CEP170: variants seen among roughly 807,000 people sequenced by gnomAD.
The protein encoded by CEP170 is centrosomal protein of 170 kDa.
CEP170 carries 21 observed loss-of-function variants against 151.9 expected under a neutral mutation model. The ratio of observed to expected loss-of-function variants is 0.14; its 90% CI spans 0.10 to 0.20. The LOEUF (loss-of-function observed/expected upper bound fraction) is 0.20. CEP170 is among the 10% of genes least tolerant of loss of function. The pLI is 1.00. For synonymous variants in CEP170, 356 were observed against 648.8 expected (o/e 0.55, Z 6.86); for missense variants, 964 against 1,892.9 (o/e 0.51, Z 9.11).
intron 1 of CEP170, among the ~76,000 whole-genome samples, chr1:243,234,313 A>G (rs1439264988): frequency 1.3e-5 from 2 of 152,230 alleles, no homozygotes; most frequent in Non-Finnish European, 2.9e-5. Flanking sequence ...CCATGTGACA[A>G]CTTTTCTTTT....
intron 1 of CEP170, among the ~76,000 whole-genome samples, chr1:243,240,685 T>A (rs1402387030): frequency 2.6e-5 from 4 of 151,616 alleles, no homozygotes; most frequent in African/African-American, 9.7e-5. Context: ...CAGATTAAGA[T>A]GCACTTATTT....
chr1:243,163,908 T>C (rs1482126068), intron 13 of CEP170, among the ~76,000 whole-genome samples: 1 of 152,244 alleles, frequency 6.6e-6, no homozygotes, highest in African/African-American at 2.4e-5. Context: ...AACACATGCT[T>C]TTAGAAGCAC....
intron 1 of CEP170, among the ~76,000 whole-genome samples, chr1:243,247,425 C>T (rs931774758): frequency 6.6e-6 from 1 of 152,202 alleles, no homozygotes; most frequent in African/African-American, 2.4e-5. Flanking sequence ...GTGATCTTGG[C>T]TCACTGCAAT....
chr1:243,132,902 G>C (rs2148207149), intron 17 of CEP170, among the ~76,000 whole-genome samples: 1 of 152,274 alleles, frequency 6.6e-6, no homozygotes, highest in East Asian at 1.9e-4. Flanking sequence ...GGAGACTCCA[G>C]GGTTTTCCAG....
chr1:243,229,235 G>C (rs2063525535), intron 1 of CEP170, among the ~76,000 whole-genome samples: 2 of 152,184 alleles, frequency 1.3e-5, no homozygotes, highest in African/African-American at 4.8e-5. Context: ...AACTTGTACA[G>C]AACACAACCA....
intron 2 of CEP170, 88 bp downstream of exon 2, chr1:243,225,088 T>C (rs745924136): frequency 2.2e-4 from 146 of 659,452 alleles, no homozygotes; most frequent in Non-Finnish European, 3.0e-4. Context: ...CAAATCTAAA[T>C]AGCACTGTTT....
intron 12 of CEP170, 142 bp from the exon 13 acceptor site, chr1:243,166,258 G>A (rs2058433135): frequency 6.8e-6 from 7 of 1,036,254 alleles, no homozygotes; most frequent in Non-Finnish European, 9.6e-6. Context: ...TCCCAAGGAT[G>A]CTTGAGTACC....
intron 7 of CEP170, among the ~76,000 whole-genome samples, chr1:243,198,766 T>C (rs1280720359): frequency 6.6e-6 from 1 of 152,082 alleles, no homozygotes; most frequent in Non-Finnish European, 1.5e-5. Context: ...AAACTTAAAA[T>C]GCCTAGTTAT....
chr1:243,146,578 T>C (rs548545661), intron 14 of CEP170, among the ~76,000 whole-genome samples: 2 of 152,250 alleles, frequency 1.3e-5, no homozygotes, highest in East Asian at 3.9e-4. Flanking sequence ...AGCTTGTATT[T>C]TTCCTTCTAA....
intron 14 of CEP170, among the ~76,000 whole-genome samples, chr1:243,145,852 C>T (rs1357715089): frequency 6.6e-6 from 1 of 152,070 alleles, no homozygotes; most frequent in Admixed American, 6.6e-5. Flanking sequence ...TTGTAAATGA[C>T]CAGAAGTGTT....
chr1:243,252,628 C>T (rs2149213262), intron 1 of CEP170, among the ~76,000 whole-genome samples: 1 of 152,090 alleles, frequency 6.6e-6, no homozygotes, highest in East Asian at 1.9e-4. Flanking sequence ...TTTCACTATT[C>T]TAATGTTAAA....
At chr1:243,126,886 T>TA (rs1323545533) in intron 19 of CEP170, 148 bp from the exon 20 acceptor site, 3 of 855,604 alleles carry the variant, frequency 3.5e-6, no homozygotes, top group African/African-American at 3.4e-5. Flanking sequence ...ACTCCATTCT[T>TA]AGTTATTCTG....
At chr1:243,168,103 T>C (rs2058571366) in intron 12 of CEP170, among the ~76,000 whole-genome samples, 1 of 151,982 alleles carries the variant, frequency 6.6e-6, no homozygotes. Flanking sequence ...TAGCCTTCTG[T>C]CTGGTTTCTT....
At chr1:243,234,701 C>T (rs1287944104) in intron 1 of CEP170, among the ~76,000 whole-genome samples, 1 of 152,196 alleles carries the variant, frequency 6.6e-6, no homozygotes. Flanking sequence ...ATATCCTCAA[C>T]ACCAGAAGTC....
chr1:243,144,580 T>C (rs1461353600), intron 14 of CEP170, among the ~76,000 whole-genome samples: 2 of 152,188 alleles, frequency 1.3e-5, no homozygotes, highest in Non-Finnish European at 2.9e-5. Context: ...AGCATCATTG[T>C]ATCCAAAACT....
chr1:243,168,475 T>C (rs903028034), intron 12 of CEP170: 1 of 152,016 alleles, frequency 6.6e-6, no homozygotes, highest in Non-Finnish European at 1.5e-5. Flanking sequence ...ACAATTTATA[T>C]TTGTATATGT....
chr1:243,137,421 A>G (rs2055223361), intron 16 of CEP170, among the ~76,000 whole-genome samples: 1 of 152,246 alleles, frequency 6.6e-6, no homozygotes, highest in Non-Finnish European at 1.5e-5. Context: ...ATGTTTTATC[A>G]TAAAGCCTAA....
intron 1 of CEP170, among the ~76,000 whole-genome samples, chr1:243,250,064 C>T (rs1006162246): frequency 5.3e-5 from 8 of 151,980 alleles, no homozygotes; most frequent in African/African-American, 1.7e-4. Context: ...AGCAAGACTC[C>T]GTCTCAAAAA....
At chr1:243,235,201 T>C (rs1342963642) in intron 1 of CEP170, among the ~76,000 whole-genome samples, 1 of 151,922 alleles carries the variant, frequency 6.6e-6, no homozygotes, top group Non-Finnish European at 1.5e-5. Context: ...TCAGGGGCAG[T>C]GGGAAGAAAG....
Sources: gnomAD v4.1 joint callset for allele counts (sites outside exome capture counted in the v4.1 genomes callset) on GRCh38, gnomAD v4.1.1 for gene constraint, MANE v1.5 for transcripts, NCBI Gene and HGNC (gene_info 2026-07-23, HGNC 2026-07-21) for gene names.